Variants in TEX10 observed in about 807,000 individuals in gnomAD.
TEX10 encodes the protein testis expressed 10.
A neutral mutation model predicts 104.4 loss-of-function variants in TEX10; 24 were observed. That is an observed-to-expected ratio of 0.23 (90% CI 0.17 to 0.32). The LOEUF is 0.32. TEX10 is among the 10% of genes least tolerant of loss of function. TEX10 has a pLI of 1.00. For missense variants in TEX10, 921 were observed against 1,083.9 expected, an observed-to-expected ratio of 0.85 and a Z score of 2.11; for synonymous variants, 396 against 393.4, an observed-to-expected ratio of 1.01 and a Z score of -0.08.
In TEX10 at chr9:100,330,078, A is replaced by G. The variant is rs527816643; in HGVS notation, c.1342T>C (p.Ser448Pro). 18 of 1,614,136 alleles carry G rather than the reference A, an allele frequency of 1.1e-5. No individual in the cohort carries two copies. The highest frequency in any genetic ancestry group is 5.5e-5 in the South Asian group (5 of 91,078). Residue 448 changes from serine (S) to proline (P), a missense_variant, in exon 6 of 15, where the codon TCA (serine) becomes CCA (proline). Ser to Pro is a moderately conservative substitution (Grantham distance 74, BLOSUM62 -1). Around this residue, in one of 3 missense-constraint regions of TEX10, gnomAD observed 753 missense variants for 868.4 expected, o/e 0.87. Transcript: ENST00000374902. The stretch of plus-strand genomic sequence containing the variant: ...CAACTGCAATCCTTCTGCAAAGTTG[A>G]CGCATTTGCCAGGGAGACCATGATA... ...SDIMVSLANA[S>P]TLQKDCSWIE...
chr9:100,330,802 T>C (rs1367441477), intron 5 of TEX10, among the ~76,000 whole-genome samples: 1 of 152,234 alleles, frequency 6.6e-6, no homozygotes, highest in Non-Finnish European at 1.5e-5. Flanking sequence ...CAGCAGAGCT[T>C]ATTTCTTTCA....
chr9:100,347,374 A>G lies in TEX10; in HGVS notation c.213T>C (p.Ala71=). 6.2e-7 allele frequency: 1 copy of G among 1,602,610 alleles called. No homozygotes were observed. Among genetic ancestry groups the G allele is most frequent in the Non-Finnish European group, 8.5e-7 (1 of 1,174,288 alleles). ...DLLSQMHHYN[A]GVKQSALLGL... ...CAAGAAGAGCACTTTGTTTAACCCC[A>G]GCATTGTAGTGATGCATCTGTGACA... is the stretch of plus-strand genomic sequence containing the variant. The change falls in exon 3 of 15, where the codon GCT becomes GCC. Residue 71 remains alanine, a synonymous_variant. Coordinates refer to ENST00000374902, the MANE Select transcript of TEX10 (RefSeq NM_017746.4).
chr9:100,310,608 T>C (rs936227715), intron 11 of TEX10, among the ~76,000 whole-genome samples: 5 of 152,118 alleles, frequency 3.3e-5, no homozygotes, highest in African/African-American at 7.2e-5. Flanking sequence ...TGGCTAATTT[T>C]TGTATTCTTA....
chr9:100,314,973 CAAT>C (rs1431469547), intron 11 of TEX10, among the ~76,000 whole-genome samples: 2 of 152,152 alleles, frequency 1.3e-5, no homozygotes, highest in South Asian at 2.1e-4. Flanking sequence ...TTCAGTGACT[CAAT>C]GATTGCTCAA....
At chr9:100,348,889 TG>T (rs1328184151) in intron 2 of TEX10, among the ~76,000 whole-genome samples, 2 of 152,008 alleles carry the variant, frequency 1.3e-5, no homozygotes, top group African/African-American at 4.8e-5. Flanking sequence ...CTCAACATGG[TG>T]TAAGAGTGAG....
intron 13 of TEX10, chr9:100,305,859 T>A (rs1003084437): frequency 1.3e-5 from 2 of 152,170 alleles, no homozygotes; most frequent in African/African-American, 2.4e-5. Context: ...AATGTCAAAC[T>A]ATCCTACAGG....
At chr9:100,303,935 G>C in intron 13 of TEX10, 93 bp from the exon 14 acceptor site, 1 of 1,255,982 alleles carries the variant, frequency 8.0e-7, no homozygotes, top group Admixed American at 2.0e-5. Flanking sequence ...GTCCTTTTAA[G>C]GAACATGTTT....
rs1833992664 is a variant in TEX10, at chr9:100,302,086, CT to C, written c.*104del. The C allele has an allele frequency of 1.5e-6, 1 of 672,554 alleles. No individual in the cohort carries two copies. The highest frequency in any genetic ancestry group is 2.4e-6 in the Non-Finnish European group (1 of 417,820). The allele number at this position is 672,554 out of a possible 1,614,324, so 41.7% of individuals were successfully genotyped here. A position where few individuals can be genotyped will look rare whatever the true frequency, so the allele number is the denominator to read the frequency against. ...GCAAAGAAAGAAGGTTCGTAAACTT[CT>C]TTAAAAGTTCAGCTTTAATGACAAA... On this transcript the variant is annotated 3_prime_UTR_variant, in exon 15 of 15. Coordinates refer to ENST00000374902, the MANE Select transcript of TEX10 (RefSeq NM_017746.4).
chr9:100,328,024 A>C (rs1019757365), intron 7 of TEX10, 62 bp from the exon 8 acceptor site: 17 of 1,233,130 alleles, frequency 1.4e-5, no homozygotes, highest in Non-Finnish European at 1.5e-5. Context: ...AAATTTAAAC[A>C]AAAAAAAAAT....
intron 5 of TEX10, among the ~76,000 whole-genome samples, chr9:100,335,913 A>C (rs911012049): frequency 1.3e-5 from 2 of 152,096 alleles, no homozygotes; most frequent in African/African-American, 4.8e-5. Context: ...AAATGTAGGT[A>C]TCAGGTTAAA....
At chr9:100,342,586 AT>A (rs1421564061) in intron 4 of TEX10, among the ~76,000 whole-genome samples, 1 of 152,232 alleles carries the variant, frequency 6.6e-6, no homozygotes, top group African/African-American at 2.4e-5. Flanking sequence ...AGTAGCCATT[AT>A]TTATTGATGC....
chr9:100,334,064 G>T (rs1834943586), intron 5 of TEX10, among the ~76,000 whole-genome samples: 1 of 152,142 alleles, frequency 6.6e-6, no homozygotes, highest in Admixed American at 6.6e-5. Flanking sequence ...AATTGGTCTT[G>T]AAAGGGAAGA....
rs60509628 is a variant in TEX10, at chr9:100,333,636, T to TAA, written c.1251-3469_1251-3468dup. Among the ~76,000 whole-genome samples, 26 of 109,748 alleles carry TAA rather than the reference T, an allele frequency of 2.4e-4. 1 individual carries two copies. The highest frequency in any genetic ancestry group is 5.3e-4 in the Admixed American group (6 of 11,278). The allele number at this position is 109,748 out of a possible 152,430, so 72.0% of individuals were successfully genotyped here. On this transcript the variant is annotated intron_variant, in intron 5 of 14. Transcript: ENST00000374902. ...TGGACAACATAAGAAGACCCCATCA[T>TAA]AAAAAAAAAAAAAAAAAAAACCACA...
chr9:100,306,030 G>T (rs1834134914), intron 13 of TEX10: 1 of 152,096 alleles, frequency 6.6e-6, no homozygotes. Context: ...GAACTTTAAA[G>T]AAACACCAAT....
chr9:100,334,317 T>C (rs1007345730), intron 5 of TEX10, among the ~76,000 whole-genome samples: 1 of 152,018 alleles, frequency 6.6e-6, no homozygotes, highest in Non-Finnish European at 1.5e-5. Context: ...CATAGCTGAC[T>C]TCTTAACAAT....
Position 100,346,161 on chromosome 9 carries a change from G to C in TEX10, c.1048C>G (p.Arg350Gly), listed in dbSNP as rs1298413996. 6.2e-7 allele frequency: 1 copy of C among 1,613,938 alleles called. No homozygotes were observed. Among genetic ancestry groups the C allele is most frequent in the Admixed American group, 1.7e-5 (1 of 59,996 alleles). ...LATPVGNGIE[R>G]EPLQVMQQVL... is the part of the protein sequence containing the mutation. ...TGCTGCATAACCTGTAGAGGTTCTCGTTCTATACCATTCCCAACAGGAGTA... is the reference window on the plus strand; with the variant it reads ...TGCTGCATAACCTGTAGAGGTTCTCCTTCTATACCATTCCCAACAGGAGTA... The change falls in exon 4 of 15, where the codon CGA becomes GGA. Residue 350 changes from arginine to glycine, a missense_variant. Physicochemically the swap from Arg to Gly is moderately radical, Grantham distance 125. This residue lies in a region of TEX10 where 753 missense variants were observed against 868.4 expected (regional missense o/e 0.87). Transcript: ENST00000374902.
intron 5 of TEX10, among the ~76,000 whole-genome samples, chr9:100,331,165 G>A (rs1230118698): frequency 6.6e-6 from 1 of 152,174 alleles, no homozygotes; most frequent in Non-Finnish European, 1.5e-5. Flanking sequence ...GGAGGCTGAG[G>A]CAGGAGAATC....
intron 4 of TEX10, among the ~76,000 whole-genome samples, chr9:100,343,322 T>A (rs1358599670): frequency 1.6e-4 from 15 of 95,554 alleles, no homozygotes; most frequent in South Asian, 3.8e-4. Flanking sequence ...ATAAAAAAGA[T>A]AGGTAAGGGA....
At chr9:100,316,636 C>T (rs2118851916) in intron 11 of TEX10, among the ~76,000 whole-genome samples, 1 of 152,230 alleles carries the variant, frequency 6.6e-6, no homozygotes, top group South Asian at 2.1e-4. Flanking sequence ...GAGTCTCGCT[C>T]TGTTGCCCCA....
Sources: allele counts gnomAD v4.1 joint callset (sites outside exome capture counted in the v4.1 genomes callset), GRCh38; gene constraint gnomAD v4.1.1; regional missense constraint gnomAD v4.1.1; transcripts MANE v1.5; gene names NCBI Gene and HGNC (gene_info 2026-07-23, HGNC 2026-07-21).